The following ERG variants were observed in gnomAD, a reference collection of about 807,000 sequenced individuals.
The protein encoded by ERG is ETS transcription factor ERG.
A neutral mutation model predicts 55.3 loss-of-function variants in ERG; 9 were observed. That is an observed-to-expected ratio of 0.16 (90% CI 0.10 to 0.28). ERG has a LOEUF of 0.28. ERG is among the 10% of genes least tolerant of loss of function. The pLI, the probability that ERG is intolerant of heterozygous loss-of-function variation, is 1.00. For missense variants in ERG, 434 were observed against 631.6 expected (o/e 0.69, Z 3.35); for synonymous variants, 223 against 237.3 (o/e 0.94, Z 0.55).
intron 2 of ERG, among the ~76,000 whole-genome samples, chr21:38,506,577 C>G (rs2059462362): frequency 6.6e-6 from 1 of 152,118 alleles, no homozygotes; most frequent in South Asian, 2.1e-4. Flanking sequence ...TCTTATTATA[C>G]ATTTACACTG....
chr21:38,390,664 C>T (rs1336264048), intron 9 of ERG, among the ~76,000 whole-genome samples: 1 of 152,158 alleles, frequency 6.6e-6, no homozygotes, highest in East Asian at 1.9e-4. Flanking sequence ...AGGAACGAAA[C>T]CTGCCACCAT....
intron 2 of ERG, among the ~76,000 whole-genome samples, chr21:38,504,895 G>C (rs907626385): frequency 6.6e-6 from 1 of 152,082 alleles, no homozygotes. Context: ...ACTTATTTTT[G>C]TCTTAATCTG....
At chr21:38,416,048 C>T (rs1412302379) in intron 3 of ERG, among the ~76,000 whole-genome samples, 4 of 152,202 alleles carry the variant, frequency 2.6e-5, no homozygotes, top group Non-Finnish European at 5.9e-5. Flanking sequence ...TTGTTATTCA[C>T]TGGCTTTCAA....
At chr21:38,571,157 G>A (rs1468002382) in intron 2 of ERG, among the ~76,000 whole-genome samples, 3 of 152,140 alleles carry the variant, frequency 2.0e-5, no homozygotes, top group Non-Finnish European at 2.9e-5. Flanking sequence ...CCTTCAGAGA[G>A]TTGTATCTTC....
upstream of ERG, among the ~76,000 whole-genome samples, chr21:38,499,370 A>G (rs566611646): frequency 6.3e-4 from 96 of 152,336 alleles, no homozygotes; most frequent in Admixed American, 2.0e-3. Flanking sequence ...CCTCGAAGGA[A>G]GTACAGCGAA....
chr21:38,434,092 C>G (rs1020848110), intron 2 of ERG, among the ~76,000 whole-genome samples: 1 of 152,186 alleles, frequency 6.6e-6, no homozygotes, highest in Admixed American at 6.5e-5. Flanking sequence ...TGGCCCAGAG[C>G]CCCTCCCTAG....
At chr21:38,474,532 C>G (rs1016795095) in intron 1 of ERG, among the ~76,000 whole-genome samples, 1 of 152,154 alleles carries the variant, frequency 6.6e-6, no homozygotes, top group Non-Finnish European at 1.5e-5. Context: ...TGCCTCTCTT[C>G]TCCTCAACTC....
chr21:38,507,994 CACATGCACACACACAGAGACACACAA>C (rs2059478422), intron 2 of ERG, among the ~76,000 whole-genome samples: 3 of 1,554 alleles, frequency 1.9e-3, no homozygotes, highest in Non-Finnish European at 4.8e-3. Flanking sequence ...CAGACACACA[CACATGCACACACACAGAGACACACAA>C]ACACACATGC....
At chr21:38,478,631 G>T (rs146471465) in intron 1 of ERG, among the ~76,000 whole-genome samples, 176 of 152,290 alleles carry the variant, frequency 1.2e-3, no homozygotes, top group African/African-American at 3.9e-3. Context: ...GAGCCCTCAT[G>T]GTCAGTGATA....
chr21:38,458,856 T>C (rs928700363), intron 1 of ERG, among the ~76,000 whole-genome samples: 5 of 152,202 alleles, frequency 3.3e-5, no homozygotes, highest in African/African-American at 1.2e-4. Context: ...GTTCTGACAC[T>C]GTCCTGCCAC....
At chr21:38,546,644 A>C (rs1448795494) in intron 2 of ERG, among the ~76,000 whole-genome samples, 3 of 152,214 alleles carry the variant, frequency 2.0e-5, no homozygotes, top group Non-Finnish European at 4.4e-5. Flanking sequence ...CTATATCAAA[A>C]GAAGAACAAT....
intron 1 of ERG, among the ~76,000 whole-genome samples, chr21:38,600,111 G>T (rs1333446506): frequency 6.6e-6 from 1 of 152,208 alleles, no homozygotes; most frequent in Non-Finnish European, 1.5e-5. Context: ...GAGCATATCA[G>T]ATAGACAAAC....
At chr21:38,421,626 A>C (rs1487855053) in intron 3 of ERG, among the ~76,000 whole-genome samples, 1 of 152,160 alleles carries the variant, frequency 6.6e-6, no homozygotes, top group Non-Finnish European at 1.5e-5. Flanking sequence ...GGGAGAATTG[A>C]GTTTGTGCAG....
chr21:38,525,234 T>C (rs769504327), intron 2 of ERG, among the ~76,000 whole-genome samples: 1 of 152,092 alleles, frequency 6.6e-6, no homozygotes, highest in African/African-American at 2.4e-5. Context: ...ACACGTGGTG[T>C]AGCTGACACC....
rs879257972 is a variant in ERG at position 38,547,152 on chromosome 21, T to C, written c.-41+28510A>G. Among the ~76,000 whole-genome samples the C allele has an allele frequency of 2.6e-5, 4 of 152,348 alleles. No individual in the cohort carries two copies. In the East Asian group the frequency reaches 5.8e-4, roughly 22 times the overall value. ...GGCCTGGTCTGCCCTAGATAACTTC[T>C]GAGCCAGGTCACCCTAAAGTGCTAC... is the stretch of plus-strand genomic sequence containing the variant. On this transcript the variant is annotated intron_variant, in intron 2 of 8. Transcript: ENST00000398897.
At chr21:38,617,106 G>C (rs1416200647) in intron 1 of ERG, among the ~76,000 whole-genome samples, 1 of 152,078 alleles carries the variant, frequency 6.6e-6, no homozygotes, top group Non-Finnish European at 1.5e-5. Flanking sequence ...CTCCACGAAG[G>C]GATAACATAA....
upstream of ERG, chr21:38,498,578 G>C (rs1033235695): frequency 9.4e-7 from 1 of 1,064,634 alleles, no homozygotes. This position sits in a 1 kb window ranked among gnomAD's most constrained non-coding sequence, Gnocchi z 4.6. Context: ...TTTGGGAGTG[G>C]AGAGATAAGA....
At chr21:38,627,674 G>A (rs2060333054) in intron 1 of ERG, among the ~76,000 whole-genome samples, 1 of 152,224 alleles carries the variant, frequency 6.6e-6, no homozygotes, top group Admixed American at 6.5e-5. Context: ...TGACAAGAAT[G>A]TTTGAAATGG....
At chr21:38,650,345 G>T (rs1319692277) in intron 1 of ERG, among the ~76,000 whole-genome samples, 1 of 152,134 alleles carries the variant, frequency 6.6e-6, no homozygotes, top group African/African-American at 2.4e-5. Flanking sequence ...TTAACTTTAA[G>T]AGTAGCATAG....
Sources: gnomAD v4.1 joint callset for allele counts (sites outside exome capture counted in the v4.1 genomes callset) on GRCh38, gnomAD v4.1.1 for gene constraint, Gnocchi (gnomAD v3.1) non-coding constraint, MANE v1.5 for transcripts, NCBI Gene and HGNC (gene_info 2026-07-23, HGNC 2026-07-21) for gene names.